Variants in GORAB observed in about 807,000 individuals in gnomAD.
GORAB encodes the protein golgin, RAB6 interacting.
GORAB carries 17 observed loss-of-function variants against 29.9 expected under a neutral mutation model. That is an observed-to-expected ratio of 0.57 (90% CI 0.39 to 0.85). The LOEUF is 0.85. Among genes scored for constraint, GORAB ranks in the 40% least tolerant of loss-of-function variants. The pLI, the probability that GORAB is intolerant of heterozygous loss-of-function variation, is 0.00. For missense variants in GORAB, 442 were observed against 437.8 expected, an observed-to-expected ratio of 1.01 and a Z score of -0.09; for synonymous variants, 183 against 157.2, an observed-to-expected ratio of 1.16 and a Z score of -1.23.
rs1442294079 is a variant in GORAB at position 170,539,507 on chromosome 1, A to G, written c.359A>G (p.Asn120Ser). ...LGLENSHDGH[N>S]NVEILPPKPD... ...CTTGAGAATTCCCATGATGGTCACAACAATGTTGAGATTCTACCTCCAAAG... is the reference window on the plus strand; with the variant it reads ...CTTGAGAATTCCCATGATGGTCACAGCAATGTTGAGATTCTACCTCCAAAG... The change falls in exon 2 of 5, where the codon AAC (asparagine) becomes AGC (serine). Residue 120 changes from asparagine to serine, a missense_variant. Asn to Ser is a conservative substitution (Grantham distance 46). Coordinates refer to ENST00000367763, the MANE Select transcript of GORAB (RefSeq NM_152281.3). 2 of 1,614,098 alleles carry G rather than the reference A, an allele frequency of 1.2e-6. No homozygotes were observed. The highest frequency in any genetic ancestry group is 1.7e-5 in the Admixed American group (1 of 60,002).
At chr1:170,549,870 G>A (rs1650006934) in intron 4 of GORAB, among the ~76,000 whole-genome samples, 1 of 152,106 alleles carries the variant, frequency 6.6e-6, no homozygotes, top group African/African-American at 2.4e-5. Context: ...CTTAATTTTA[G>A]ATTCATGCTT....
Position 170,552,435 on chromosome 1 carries a change from TG to T in GORAB, c.1084del (p.Asp362ThrfsTer15). ...CAAACTGCCCAAATCAAGAAGGTAATGACATTTCAGCTGCTTTGGCCACATG... is the reference window on the plus strand; with the variant it reads ...CAAACTGCCCAAATCAAGAAGGTAATACATTTCAGCTGCTTTGGCCACATG... ...SPNCPNQEGN[D>X]ISAALAT On this transcript the variant is annotated frameshift_variant, in exon 5 of 5. Transcript: ENST00000367763. LOFTEE classifies it high-confidence loss of function. 1 of 1,613,742 alleles carries T rather than the reference TG, an allele frequency of 6.2e-7. No homozygotes were observed. Among genetic ancestry groups the T allele is most frequent in the Non-Finnish European group, 8.5e-7 (1 of 1,179,728 alleles).
At position 170,553,043 on chromosome 1, in the gene GORAB, T is replaced by G. The variant is rs1356653524; in HGVS notation, c.*581T>G. 1 of 453,914 alleles carries G rather than the reference T, an allele frequency of 2.2e-6. No individual in the cohort carries two copies. Among genetic ancestry groups the G allele is most frequent in the Non-Finnish European group, 4.4e-6 (1 of 226,742 alleles). 28.1% of individuals were successfully genotyped at this position (453,914 alleles called of 1,614,324 possible). A position where few individuals can be genotyped will look rare whatever the true frequency, so the allele number is the denominator to read the frequency against. On this transcript the variant is annotated 3_prime_UTR_variant, in exon 5 of 5. Coordinates refer to ENST00000367763, the MANE Select transcript of GORAB (RefSeq NM_152281.3). Reference sequence around the variant, plus strand: ...ACAACTTAAACCAGCATCACTTTTGTCTTCAATTTGCCTTCCAGTGATTTT... The same window carrying G: ...ACAACTTAAACCAGCATCACTTTTGGCTTCAATTTGCCTTCCAGTGATTTT...
At chr1:170,547,951 T>G (rs1649863409) in intron 4 of GORAB, among the ~76,000 whole-genome samples, 1 of 152,260 alleles carries the variant, frequency 6.6e-6, no homozygotes, top group Non-Finnish European at 1.5e-5. Context: ...TATGTTTTGC[T>G]GAAGACTCAT....
intron 1 of GORAB, 57 bp from the exon 2 acceptor site, chr1:170,539,153 A>T (rs1225968573): frequency 6.3e-7 from 1 of 1,594,142 alleles, no homozygotes; most frequent in Non-Finnish European, 8.6e-7. Context: ...TTCTTAGAGG[A>T]ATTATAATTA....
At position 170,542,306 on chromosome 1, in the gene GORAB, T is replaced by A. The variant is rs1250902740; in HGVS notation, c.420-185T>A. Reference sequence around the variant, plus strand: ...TCTTTACTTTAGATCGTAGTCTTTGTTCCCATTAGAGCAAAATAATGAACT... The same window carrying A: ...TCTTTACTTTAGATCGTAGTCTTTGATCCCATTAGAGCAAAATAATGAACT... On this transcript the variant is annotated intron_variant, in intron 2 of 4. Transcript: ENST00000367763. Among the ~76,000 whole-genome samples, 3 of 152,208 alleles carry A rather than the reference T, an allele frequency of 2.0e-5. No homozygotes were observed. The East Asian group carries it at 5.8e-4, about 29-fold the overall frequency.
In GORAB at chr1:170,553,202, G is replaced by A; in HGVS notation, c.*740G>A. 1 of 431,742 alleles carries A rather than the reference G, an allele frequency of 2.3e-6. No homozygotes were observed. Among genetic ancestry groups the A allele is most frequent in the South Asian group, 1.7e-5 (1 of 58,818 alleles). The allele number at this position is 431,742 out of a possible 1,614,324, so 26.7% of individuals were successfully genotyped here. Reference sequence around the variant, plus strand: ...GACAATTAAAACATTTCTAAAGTGAGACTGAAAATAATATAGAAAATCTCA... The same window carrying A: ...GACAATTAAAACATTTCTAAAGTGAAACTGAAAATAATATAGAAAATCTCA... On this transcript the variant is annotated 3_prime_UTR_variant, in exon 5 of 5. Transcript: ENST00000367763.
chr1:170,543,949 A>G (rs771276402), intron 3 of GORAB, among the ~76,000 whole-genome samples: 2 of 152,200 alleles, frequency 1.3e-5, no homozygotes, highest in African/African-American at 2.4e-5. Flanking sequence ...GCTATGTAAC[A>G]TGGTGGATTT....
rs1649291998 is a variant in GORAB, at chr1:170,539,674, TA to T, written c.419+108del. The T allele has an allele frequency of 1.3e-5, 15 of 1,187,348 alleles. No individual in the cohort carries two copies. The South Asian group carries it at 1.9e-4, about 15-fold the overall frequency. The allele number at this position is 1,187,348 out of a possible 1,614,324, so 73.6% of individuals were successfully genotyped here. On this transcript the variant is annotated intron_variant, in intron 2 of 4. Transcript: ENST00000367763. ...GTTTATTTTAACATTTTCTCTCCTT[TA>T]TATTCATTCAATCATAGGAATGTGA...
At chr1:170,532,734 A>C (rs537912311) in intron 1 of GORAB, 1 of 184,994 alleles carries the variant, frequency 5.4e-6, no homozygotes, top group South Asian at 1.0e-4. Context: ...GTCTGAATAA[A>C]GGCAAAAATT....
rs1649282069 is a variant in GORAB at position 170,539,570 on chromosome 1, TAGTA to T, written c.419+7_419+10del. 1 of 1,613,676 alleles carries T rather than the reference TAGTA, an allele frequency of 6.2e-7. No individual in the cohort carries two copies. The highest frequency in any genetic ancestry group is 1.3e-5 in the African/African-American group (1 of 74,912). Reference sequence around the variant, plus strand: ...TTGGAGAAAAAGAAAGTGGAATTGTTAGTAAGTCTATGTGAAAAGTCCATGAGAC... The same window carrying T: ...TTGGAGAAAAAGAAAGTGGAATTGTTAGTCTATGTGAAAAGTCCATGAGAC... On this transcript the variant is annotated splice_donor_5th_base_variant and intron_variant, in intron 2 of 4. Transcript: ENST00000367763.
In GORAB at chr1:170,545,748, G is replaced by T. The variant is rs1409137904; in HGVS notation, c.662+903G>T. On this transcript the variant is annotated intron_variant, in intron 4 of 4. Coordinates refer to ENST00000367763, the MANE Select transcript of GORAB (RefSeq NM_152281.3). ...TATAACAATTTATTAAAGCGGAAATGCTTGATTGTGGTTTTTAATAAACTG... is the reference window on the plus strand; with the variant it reads ...TATAACAATTTATTAAAGCGGAAATTCTTGATTGTGGTTTTTAATAAACTG... 5 of 984,988 alleles carry T rather than the reference G, an allele frequency of 5.1e-6. No individual in the cohort carries two copies. In the African/African-American group the frequency reaches 5.2e-5, roughly 10 times the overall value. 61.0% of individuals were successfully genotyped at this position (984,988 alleles called of 1,614,324 possible). A position where few individuals can be genotyped will look rare whatever the true frequency, so the allele number is the denominator to read the frequency against.
Position 170,552,874 on chromosome 1 carries a change from A to G in GORAB, c.*412A>G, listed in dbSNP as rs1372222486. On this transcript the variant is annotated 3_prime_UTR_variant, in exon 5 of 5. Transcript: ENST00000367763. ...ACTGGAAGTCCTATTTTATTTAATC[A>G]GTATCAGTAAAAAGACAAAAATTAC... The G allele has an allele frequency of 2.2e-6, 1 of 452,310 alleles. No homozygotes were observed. The highest frequency in any genetic ancestry group is 2.4e-5 in the Admixed American group (1 of 42,216). 28.0% of individuals were successfully genotyped at this position (452,310 alleles called of 1,614,324 possible).
chr1:170,553,470 T>G lies in GORAB; in HGVS notation c.*1008T>G. The G allele has an allele frequency of 2.3e-6, 1 of 432,628 alleles. No individual in the cohort carries two copies. The highest frequency in any genetic ancestry group is 4.5e-6 in the Non-Finnish European group (1 of 221,214). 26.8% of individuals were successfully genotyped at this position (432,628 alleles called of 1,614,324 possible). A position where few individuals can be genotyped will look rare whatever the true frequency, so the allele number is the denominator to read the frequency against. ...AAGTCTGTGAATATCACATTATGAT[T>G]TATTTATCAGAAATTCCAAAAAGTA... On this transcript the variant is annotated 3_prime_UTR_variant, in exon 5 of 5. Transcript: ENST00000367763.
chr1:170,533,295 C>T (rs568192768), intron 1 of GORAB, among the ~76,000 whole-genome samples: 1 of 152,194 alleles, frequency 6.6e-6, no homozygotes, highest in Admixed American at 6.5e-5. Flanking sequence ...AAGATAGGGC[C>T]AATGTAGATT....
intron 4 of GORAB, among the ~76,000 whole-genome samples, chr1:170,548,959 A>G (rs566078268): frequency 1.4e-4 from 22 of 152,320 alleles, no homozygotes; most frequent in Admixed American, 1.3e-4. Flanking sequence ...AAGAAAAGAT[A>G]AAAATTATGA....
chr1:170,550,603 C>T (rs530525855), intron 4 of GORAB, among the ~76,000 whole-genome samples: 1 of 152,264 alleles, frequency 6.6e-6, no homozygotes, highest in East Asian at 1.9e-4. Flanking sequence ...AGGTTTTGAA[C>T]CCTGAGTTTT....
intron 1 of GORAB, among the ~76,000 whole-genome samples, chr1:170,535,005 T>G (rs1157900157): frequency 6.6e-6 from 1 of 152,212 alleles, no homozygotes; most frequent in East Asian, 1.9e-4. Flanking sequence ...TTCACTCGTT[T>G]CATGTTTAAT....
At chr1:170,537,335 G>A (rs542281677) in intron 1 of GORAB, among the ~76,000 whole-genome samples, 1 of 152,262 alleles carries the variant, frequency 6.6e-6, no homozygotes, top group African/African-American at 2.4e-5. Context: ...AATTGCTATA[G>A]CAAGACCTTC....
Sources: allele counts gnomAD v4.1 joint callset (sites outside exome capture counted in the v4.1 genomes callset), GRCh38; gene constraint gnomAD v4.1.1; transcripts MANE v1.5; gene names NCBI Gene and HGNC (gene_info 2026-07-23, HGNC 2026-07-21).